Variants in MANBA observed in about 807,000 individuals in gnomAD.
MANBA encodes the protein beta-mannosidase.
In MANBA, 83 loss-of-function variants were observed where a neutral mutation model predicts 111.1. That is an observed-to-expected ratio of 0.75 (90% CI 0.63 to 0.90). The LOEUF (loss-of-function observed/expected upper bound fraction) is 0.90. Ranked by LOEUF, MANBA falls within the 40% of genes least tolerant of loss-of-function variation. MANBA has a pLI of 0.00. For synonymous variants in MANBA, 370 were observed against 378.7 expected (o/e 0.98, Z 0.27); for missense variants, 1,036 against 1,069.0 (o/e 0.97, Z 0.43).
chr4:102,689,527 A>T (rs1183746059), intron 7 of MANBA, 47 bp downstream of exon 7: 5 of 1,247,442 alleles, frequency 4.0e-6, no homozygotes, highest in Non-Finnish European at 5.8e-6. Context: ...TACTATTTTT[A>T]AAAGAAATAA....
rs865885140 is a variant in MANBA at position 102,730,674 on chromosome 4, C to T, written c.178-3991G>A. ...TCAGCTCAGTGCTCGTGTGCTTCTT[C>T]CGGGCTTGTAATACCTTCATGAACG... On this transcript the variant is annotated intron_variant, in intron 1 of 16. Coordinates refer to ENST00000647097, the MANE Select transcript of MANBA (RefSeq NM_005908.4). 9 of 538,480 alleles carry T rather than the reference C, an allele frequency of 1.7e-5. 1 individual carries two copies. In the Middle Eastern group the frequency reaches 9.5e-4, roughly 57 times the overall value. 33.4% of individuals were successfully genotyped at this position (538,480 alleles called of 1,614,324 possible).
intron 11 of MANBA, among the ~76,000 whole-genome samples, chr4:102,659,376 C>G (rs934470001): frequency 6.6e-6 from 1 of 152,130 alleles, no homozygotes; most frequent in Admixed American, 6.5e-5. Flanking sequence ...AACTTTTCAC[C>G]ATTAGGTTTC....
intron 1 of MANBA, among the ~76,000 whole-genome samples, chr4:102,750,369 T>C (rs1195444123): frequency 6.6e-6 from 1 of 152,140 alleles, no homozygotes. Context: ...AAATATTTCA[T>C]CCTTACAAGT....
intron 13 of MANBA, 52 bp downstream of exon 13, chr4:102,650,485 C>T: frequency 6.5e-7 from 1 of 1,532,096 alleles, no homozygotes; most frequent in Admixed American, 1.7e-5. Flanking sequence ...TCTACATAAT[C>T]TCTTACATTA....
intron 8 of MANBA, among the ~76,000 whole-genome samples, chr4:102,672,816 T>C (rs1731552256): frequency 6.6e-6 from 1 of 152,204 alleles, no homozygotes; most frequent in African/African-American, 2.4e-5. Context: ...TGATCTGAGG[T>C]AGAACAGTTT....
chr4:102,713,155 A>C (rs1722155127), intron 5 of MANBA, among the ~76,000 whole-genome samples: 3 of 152,212 alleles, frequency 2.0e-5, no homozygotes, highest in African/African-American at 4.8e-5. Flanking sequence ...TCAATTGAAT[A>C]GCAAGCTAAG....
intron 4 of MANBA, chr4:102,722,224 T>G (rs1322697212): frequency 6.5e-6 from 1 of 154,850 alleles, no homozygotes; most frequent in Non-Finnish European, 1.4e-5. Flanking sequence ...TACTTAACAC[T>G]ACTAAACTGT....
intron 1 of MANBA, among the ~76,000 whole-genome samples, chr4:102,747,227 C>T (rs966105977): frequency 7.2e-5 from 11 of 151,944 alleles, no homozygotes; most frequent in Non-Finnish European, 1.2e-4. Context: ...TCCCATAACA[C>T]GCCATCTGCA....
chr4:102,699,105 T>A (rs1408908732), intron 5 of MANBA, among the ~76,000 whole-genome samples: 1 of 152,200 alleles, frequency 6.6e-6, no homozygotes, highest in East Asian at 1.9e-4. Flanking sequence ...AGGTATTTTA[T>A]TCTCTTTGAA....
chr4:102,650,699 G>C lies in MANBA; in HGVS notation c.1707C>G (p.Val569=), dbSNP rs1223769818. ...SWPSFSTLEK[V]SSTEDWSFNS... is the part of the protein sequence containing the mutation. ...TGAAAGACCAGTCCTCTGTAGACGA[G>C]ACCTTTCAAATAAAGAATAAGAATT... Residue 569 remains valine (V), a splice_region_variant and synonymous_variant, in exon 13 of 17, where the codon GTC becomes GTG. Coordinates refer to ENST00000647097, the MANE Select transcript of MANBA (RefSeq NM_005908.4). 1.9e-6 allele frequency: 3 copies of C among 1,611,074 alleles called. No individual in the cohort carries two copies. Among genetic ancestry groups the C allele is most frequent in the Non-Finnish European group, 1.7e-6 (2 of 1,177,416 alleles).
At chr4:102,742,609 C>T (rs1578954955) in intron 1 of MANBA, among the ~76,000 whole-genome samples, 1 of 152,156 alleles carries the variant, frequency 6.6e-6, no homozygotes, top group Non-Finnish European at 1.5e-5. Flanking sequence ...TGAGCACGAG[C>T]CCACTGCCAC....
At chr4:102,754,745 A>G (rs1206639537) in intron 1 of MANBA, among the ~76,000 whole-genome samples, 1 of 151,940 alleles carries the variant, frequency 6.6e-6, no homozygotes, top group Admixed American at 6.6e-5. Context: ...TTTAGTAGAG[A>G]CGGGGTTTCA....
At position 102,705,833 on chromosome 4, in the gene MANBA, C is replaced by A. The variant is rs143494736; in HGVS notation, c.673+8605G>T. 3.6e-3 allele frequency among the ~76,000 whole-genome samples: 553 copies of A among 152,254 alleles called. 6 individuals are homozygous for A. The highest frequency in any genetic ancestry group is 0.012 in the African/African-American group (510 of 41,538). Reference sequence around the variant, plus strand: ...AAGCCTGGGGATGACCCTGCCCCATCCACCACTGTTGGTACCTCAGCACTC... The same window carrying A: ...AAGCCTGGGGATGACCCTGCCCCATACACCACTGTTGGTACCTCAGCACTC... On this transcript the variant is annotated intron_variant, in intron 5 of 16. Transcript: ENST00000647097.
chr4:102,729,908 G>T (rs560952067), intron 1 of MANBA: 6 of 1,521,330 alleles, frequency 3.9e-6, no homozygotes, highest in Non-Finnish European at 4.6e-6. Flanking sequence ...TCTCCTGGGT[G>T]CGCACAGCCT....
At chr4:102,755,801 A>C (rs1236461875) in intron 1 of MANBA, among the ~76,000 whole-genome samples, 1 of 152,216 alleles carries the variant, frequency 6.6e-6, no homozygotes, top group Non-Finnish European at 1.5e-5. Context: ...ACCCCATCAA[A>C]AAGTGGGCAA....
At chr4:102,732,810 A>T (rs988986447) in intron 1 of MANBA, among the ~76,000 whole-genome samples, 23 of 152,322 alleles carry the variant, frequency 1.5e-4, no homozygotes, top group Admixed American at 3.9e-4. Flanking sequence ...TATTAGCATG[A>T]CCATGTCATT....
intron 1 of MANBA, 68 bp downstream of exon 1, chr4:102,760,650 T>C (rs1479430678): frequency 2.7e-6 from 4 of 1,458,712 alleles, no homozygotes; most frequent in East Asian, 5.0e-5. Flanking sequence ...GCCAGGCGGT[T>C]CCTGGGCCCC....
At chr4:102,728,878 G>T in intron 1 of MANBA, 1 of 777,832 alleles carries the variant, frequency 1.3e-6, no homozygotes, top group Non-Finnish European at 2.2e-6. Context: ...CAAAGCTGGG[G>T]CTTGGGAGGC....
intron 13 of MANBA, among the ~76,000 whole-genome samples, chr4:102,644,387 T>G (rs1374891752): frequency 6.6e-6 from 1 of 152,016 alleles, no homozygotes; most frequent in African/African-American, 2.4e-5. Context: ...AATCAACAGA[T>G]GAGTACATAA....
Sources: gnomAD v4.1 joint callset for allele counts (sites outside exome capture counted in the v4.1 genomes callset) on GRCh38, gnomAD v4.1.1 for gene constraint, MANE v1.5 for transcripts, NCBI Gene and HGNC (gene_info 2026-07-23, HGNC 2026-07-21) for gene names.